Variants in PRDX4 observed in about 807,000 individuals in gnomAD.
PRDX4 encodes peroxiredoxin 4.
In PRDX4, 12 loss-of-function variants were observed where a neutral mutation model predicts 20.5. The ratio of observed to expected loss-of-function variants is 0.58; its 90% CI spans 0.37 to 0.95. The LOEUF is 0.95. Ranked by LOEUF, PRDX4 falls within the 40% of genes least tolerant of loss-of-function variation. The pLI, the probability that PRDX4 is intolerant of heterozygous loss-of-function variation, is 0.01. For synonymous variants in PRDX4, 99 were observed against 87.5 expected (o/e 1.13, Z -0.73); for missense variants, 180 against 207.3 (o/e 0.87, Z 0.81).
At chrX:23,667,960 G>C in intron 1 of PRDX4, 149 bp downstream of exon 1, 2 of 814,710 alleles carry the variant, frequency 2.5e-6, no homozygotes, top group Non-Finnish European at 3.4e-6. Flanking sequence ...GGGCGGGGAG[G>C]GGAATAAAGG....
intron 3 of PRDX4, among the ~76,000 whole-genome samples, chrX:23,678,291 C>T (rs777977320): frequency 2.9e-4 from 30 of 104,094 alleles, no homozygotes; most frequent in African/African-American, 1.0e-3. Flanking sequence ...AAGAAAGAAA[C>T]AACCCCATCT....
intron 1 of PRDX4, 69 bp from the exon 2 acceptor site, chrX:23,671,460 A>G: frequency 2.4e-6 from 2 of 849,861 alleles, no homozygotes; most frequent in Non-Finnish European, 1.7e-6. Context: ...GTGATTTTCT[A>G]AAGATGTCCT....
At chrX:23,669,248 A>C (rs772492183) in intron 1 of PRDX4, among the ~76,000 whole-genome samples, 10 of 112,281 alleles carry the variant, frequency 8.9e-5, no homozygotes, top group Admixed American at 1.9e-4. Context: ...TAACAAAACC[A>C]GTCTTAAATT....
chrX:23,674,967 ATTTTT>A lies in PRDX4; in HGVS notation c.360-14_360-10del. On this transcript the variant is annotated intron_variant, in intron 2 of 6. Transcript: ENST00000379341. ...TATGCTTATTTGGAGAATACTGAAT[ATTTTT>A]TTTTTTTTACCTTTCAGCACATTTG... 1 of 1,086,290 alleles carries A rather than the reference ATTTTT, an allele frequency of 9.2e-7. No homozygotes were observed. The highest frequency in any genetic ancestry group is 1.2e-6 in the Non-Finnish European group (1 of 802,775). The allele number at this position is 1,086,290 out of a possible 1,213,427, so 89.5% of individuals were successfully genotyped here. A position where few individuals can be genotyped will look rare whatever the true frequency, so the allele number is the denominator to read the frequency against.
At chrX:23,682,853 A>AAAAAAATATAT (rs1555933130) in intron 5 of PRDX4, among the ~76,000 whole-genome samples, 5 of 14,872 alleles carry the variant, frequency 3.4e-4, no homozygotes, top group Admixed American at 2.3e-3. Context: ...AAAAAAAAAA[A>AAAAAAATATAT]ATATATATAT....
chrX:23,672,134 G>A (rs146372259), intron 2 of PRDX4, among the ~76,000 whole-genome samples: 2,703 of 111,381 alleles, frequency 0.024, 39 homozygotes, highest in Non-Finnish European at 0.04. Context: ...GGTGGTACGC[G>A]CCTGTAGTCC....
intron 1 of PRDX4, among the ~76,000 whole-genome samples, chrX:23,668,019 G>A (rs1306394895): frequency 8.9e-6 from 1 of 112,056 alleles, no homozygotes; most frequent in Non-Finnish European, 1.9e-5. Context: ...TCAGATTTTA[G>A]AAGAGGTAGT....
chrX:23,671,953 C>T (rs989829174), intron 2 of PRDX4, among the ~76,000 whole-genome samples: 9 of 112,152 alleles, frequency 8.0e-5, no homozygotes, highest in African/African-American at 2.9e-4. Flanking sequence ...AATAGCAAGA[C>T]CTATGCCATA....
intron 2 of PRDX4, among the ~76,000 whole-genome samples, chrX:23,674,684 A>T (rs1160126377): frequency 1.8e-5 from 2 of 111,999 alleles, no homozygotes; most frequent in African/African-American, 6.5e-5. Flanking sequence ...TTATTAAATA[A>T]AAGTAATAAA....
In PRDX4 at chrX:23,679,079, G is replaced by T. The variant is rs1036447195; in HGVS notation, c.477-86G>T. The T allele has an allele frequency of 2.7e-5, 26 of 964,757 alleles. No individual in the cohort carries two copies. The East Asian group carries it at 8.0e-4, about 30-fold the overall frequency. The allele number at this position is 964,757 out of a possible 1,213,427, so 79.5% of individuals were successfully genotyped here. On this transcript the variant is annotated intron_variant, in intron 3 of 6. Coordinates refer to ENST00000379341, the MANE Select transcript of PRDX4 (RefSeq NM_006406.2). The stretch of plus-strand genomic sequence containing the variant: ...GAAAGAATGTGTGTATTTCATGTGT[G>T]TGCGTGTGCATGTATAGAGAAAGAG...
chrX:23,675,129 C>T (rs41305213), intron 3 of PRDX4, 23 bp downstream of exon 3: 18,236 of 1,206,951 alleles, frequency 0.015, 159 homozygotes, highest in Middle Eastern at 0.02. Context: ...CACTTATATT[C>T]GTAGAAAAAA....
At chrX:23,679,321 C>T (rs986315810) in intron 4 of PRDX4, 34 bp downstream of exon 4, 1 of 1,143,079 alleles carries the variant, frequency 8.7e-7, no homozygotes, top group Non-Finnish European at 1.2e-6. Flanking sequence ...ATGACAAATC[C>T]AAGCGTGTTT....
intron 3 of PRDX4, among the ~76,000 whole-genome samples, chrX:23,675,767 T>A (rs1927934081): frequency 9.0e-6 from 1 of 111,422 alleles, no homozygotes; most frequent in Admixed American, 9.6e-5. Flanking sequence ...AATTGGAAAT[T>A]TACATGTTAA....
At position 23,679,123 on chromosome X, in the gene PRDX4, C is replaced by T. The variant is rs374963181; in HGVS notation, c.477-42C>T. On this transcript the variant is annotated intron_variant, in intron 3 of 6. Coordinates refer to ENST00000379341, the MANE Select transcript of PRDX4 (RefSeq NM_006406.2). ...GAAAGAGTGCTGTTTTAATATATGC[C>T]GTTTACTTAGCTCTGAGAGGTAAGC... 1.7e-5 allele frequency: 20 copies of T among 1,184,506 alleles called. No homozygotes were observed. The South Asian group carries it at 1.9e-4, about 11-fold the overall frequency.
In PRDX4 at chrX:23,686,337, A is replaced by AAAT. The variant is rs915708354; in HGVS notation, c.*4_*6dup. On this transcript the variant is annotated 3_prime_UTR_variant, in exon 7 of 7. Transcript: ENST00000379341. ...AAGTATTTCGATAAACTGAATTGAG[A>AAAT]AATACTTCTTCAAGTTATGATGCTT... 1.7e-6 allele frequency: 2 copies of AAAT among 1,168,913 alleles called. No individual in the cohort carries two copies. Among genetic ancestry groups the AAAT allele is most frequent in the African/African-American group, 3.6e-5 (2 of 56,169 alleles).
chrX:23,679,361 T>C, intron 4 of PRDX4, 74 bp downstream of exon 4: 1 of 1,026,765 alleles, frequency 9.7e-7, no homozygotes, highest in Non-Finnish European at 1.3e-6. Flanking sequence ...ATGTTATTTA[T>C]GAAATAGAAG....
rs772363400 is a variant in PRDX4, at chrX:23,667,530, G to C, written c.-41G>C. 4.4e-6 allele frequency: 5 copies of C among 1,135,952 alleles called. No individual in the cohort carries two copies. The Admixed American group carries it at 1.4e-4, about 31-fold the overall frequency. The allele number at this position is 1,135,952 out of a possible 1,213,427, so 93.6% of individuals were successfully genotyped here. Reference sequence around the variant, plus strand: ...GTAGCTGCCCGGCGGCGGCAGAAGCGGCGCTCGCGCCAAGGGACGTGTTTC... The same window carrying C: ...GTAGCTGCCCGGCGGCGGCAGAAGCCGCGCTCGCGCCAAGGGACGTGTTTC... On this transcript the variant is annotated 5_prime_UTR_variant, in exon 1 of 7. Coordinates refer to ENST00000379341, the MANE Select transcript of PRDX4 (RefSeq NM_006406.2).
chrX:23,682,600 A>G, intron 5 of PRDX4, 74 bp downstream of exon 5: 1 of 832,891 alleles, frequency 1.2e-6, no homozygotes, highest in Non-Finnish European at 1.6e-6. Context: ...TTATCGTAAA[A>G]GTAATCGATA....
intron 3 of PRDX4, 140 bp from the exon 4 acceptor site, chrX:23,679,025 A>T: frequency 1.6e-6 from 1 of 606,140 alleles, no homozygotes; most frequent in Non-Finnish European, 2.5e-6. Context: ...GCAAGAAAAT[A>T]GAAAGTATAT....
Sources: gnomAD v4.1 joint callset for allele counts (sites outside exome capture counted in the v4.1 genomes callset) on GRCh38, gnomAD v4.1.1 for gene constraint, MANE v1.5 for transcripts, NCBI Gene and HGNC (gene_info 2026-07-23, HGNC 2026-07-21) for gene names.